FREM3: variants seen among roughly 807,000 people sequenced by gnomAD.
FREM3 encodes the protein FRAS1 related extracellular matrix 3, also known as FRAS1-related extracellular matrix protein 3.
A neutral mutation model predicts 129.1 loss-of-function variants in FREM3; 105 were observed. The ratio of observed to expected loss-of-function variants is 0.81; its 90% CI spans 0.69 to 0.96. The LOEUF is 0.96. Ranked by LOEUF, FREM3 falls within the 40% of genes least tolerant of loss-of-function variation. The pLI is 0.00. For synonymous variants in FREM3, 1,014 were observed against 1,044.9 expected, an observed-to-expected ratio of 0.97 and a Z score of 0.57; for missense variants, 2,593 against 2,666.3, an observed-to-expected ratio of 0.97 and a Z score of 0.61.
intron 2 of FREM3, among the ~76,000 whole-genome samples, chr4:143,647,512 T>G (rs185508229): frequency 4.1e-4 from 62 of 152,280 alleles, no homozygotes; most frequent in African/African-American, 1.5e-3. Context: ...TTTTGTGGGA[T>G]GGGCCCAGGG....
chr4:143,696,165 T>A lies in FREM3; in HGVS notation c.4511A>T (p.Asp1504Val). ...TTCGAAGCTGTCCATCTTTTTCTCA[T>A]CATTTGAAGTATGGACATAGGATAT... Reference protein sequence around the residue: ...NKISYVHTSNDEKKMDSFEFQ... With the variant: ...NKISYVHTSNVEKKMDSFEFQ... Residue 1504 changes from aspartate to valine, a missense_variant, in exon 1 of 8, where the codon GAT becomes GTT. By Grantham distance (152) the Asp-to-Val change is radical (BLOSUM62 -3). Coordinates refer to ENST00000329798, the MANE Select transcript of FREM3 (RefSeq NM_001168235.2). 6.5e-7 allele frequency: 1 copy of A among 1,537,716 alleles called. No individual in the cohort carries two copies.
chr4:143,646,038 T>TGAGA (rs1243222306), intron 2 of FREM3, among the ~76,000 whole-genome samples: 1 of 152,208 alleles, frequency 6.6e-6, no homozygotes, highest in Non-Finnish European at 1.5e-5. Context: ...CCTTCCCCAG[T>TGAGA]GAGAGAGATG....
chr4:143,589,174 C>T (rs918250532), intron 6 of FREM3, among the ~76,000 whole-genome samples: 6 of 151,874 alleles, frequency 4.0e-5, no homozygotes, highest in Admixed American at 2.6e-4. Flanking sequence ...CAAAAATTTT[C>T]GCCCATTCTG....
chr4:143,692,987 A>G (rs1319632809), intron 2 of FREM3, 126 bp downstream of exon 2: 5 of 456,868 alleles, frequency 1.1e-5, no homozygotes, highest in Non-Finnish European at 1.9e-5. Context: ...GTATTATGAC[A>G]TTATTTATTG....
intron 2 of FREM3, among the ~76,000 whole-genome samples, chr4:143,645,686 T>C (rs1560856025): frequency 1.3e-5 from 2 of 152,246 alleles, no homozygotes; most frequent in Non-Finnish European, 2.9e-5. Context: ...ACAGATTTTG[T>C]ATCTGCTAGC....
intron 2 of FREM3, among the ~76,000 whole-genome samples, chr4:143,650,992 G>A (rs968187627): frequency 6.6e-6 from 1 of 152,150 alleles, no homozygotes; most frequent in African/African-American, 2.4e-5. Context: ...CAAACTCAGT[G>A]CTCATTTATT....
rs1433182787 is a variant in FREM3 at position 143,660,515 on chromosome 4, C to T, written c.5275+32598G>A. Among the ~76,000 whole-genome samples, 7 of 152,122 alleles carry T rather than the reference C, an allele frequency of 4.6e-5. 1 individual carries two copies. Among genetic ancestry groups the T allele is most frequent in the African/African-American group, 9.7e-5 (4 of 41,418 alleles). The stretch of plus-strand genomic sequence containing the variant: ...TGTAGTATAGTTTGAAGTCGAGTAG[C>T]GTGATGCCTCCAGCTTTGTTCTTTT... On this transcript the variant is annotated intron_variant, in intron 2 of 7. Coordinates refer to ENST00000329798, the MANE Select transcript of FREM3 (RefSeq NM_001168235.2).
chr4:143,676,002 A>G (rs2149857393), intron 2 of FREM3, among the ~76,000 whole-genome samples: 1 of 152,342 alleles, frequency 6.6e-6, no homozygotes, highest in African/African-American at 2.4e-5. Context: ...AACTATTCCA[A>G]TCAATAGAAA....
At position 143,700,614 on chromosome 4, in the gene FREM3, C is replaced by T. The variant is rs988612301; in HGVS notation, c.62G>A (p.Cys21Tyr). ...TPRQLLVALACLLLSRPALQG... is the reference protein window; with the variant it reads ...TPRQLLVALAYLLLSRPALQG... ...CAGCGCGGGGCGACTCAAGAGCAGG[C>T]AGGCGAGCGCCACAAGGAGCTGCCG... The change falls in exon 1 of 8, where the codon TGC (cysteine) becomes TAC (tyrosine). Residue 21 changes from cysteine (C) to tyrosine (Y), a missense_variant. By Grantham distance (194) the Cys-to-Tyr change is radical (BLOSUM62 -2). This residue lies in a region of FREM3 where 2,276 missense variants were observed against 2,267.2 expected (regional missense o/e 1.00). Transcript: ENST00000329798. 16 of 1,454,164 alleles carry T rather than the reference C, an allele frequency of 1.1e-5. No homozygotes were observed. The highest frequency in any genetic ancestry group is 4.2e-5 in the South Asian group (3 of 71,492). The allele number at this position is 1,454,164 out of a possible 1,614,324, so 90.1% of individuals were successfully genotyped here. A position where few individuals can be genotyped will look rare whatever the true frequency, so the allele number is the denominator to read the frequency against.
rs76649476 is a variant in FREM3 at position 143,692,752 on chromosome 4, T to A, written c.5275+361A>T. 6.7e-3 allele frequency among the ~76,000 whole-genome samples: 1,027 copies of A among 152,278 alleles called. 17 individuals are homozygous for A. The highest frequency in any genetic ancestry group is 0.024 in the African/African-American group (988 of 41,560). On this transcript the variant is annotated intron_variant, in intron 2 of 7. Transcript: ENST00000329798. ...AAAATCCCAACAAAATCTGAAGATGTATTTTCTAATTTGTTTCAGAATGAT... is the reference window on the plus strand; with the variant it reads ...AAAATCCCAACAAAATCTGAAGATGAATTTTCTAATTTGTTTCAGAATGAT...
Position 143,697,948 on chromosome 4 carries a change from T to C in FREM3, c.2728A>G (p.Thr910Ala), listed in dbSNP as rs1306395176. Residue 910 changes from threonine to alanine, a missense_variant, in exon 1 of 8, where the codon ACT becomes GCT. This residue lies in a region of FREM3 where 2,276 missense variants were observed against 2,267.2 expected (regional missense o/e 1.00). Transcript: ENST00000329798. Reference protein sequence around the residue: ...VSYQHGRDQTTTSDTFHLEVS... With the variant: ...VSYQHGRDQTATSDTFHLEVS... Reference sequence around the variant, plus strand: ...TCCAGATGGAAAGTGTCACTGGTAGTCGTCTGGTCTCTGCCATGCTGGTAA... The same window carrying C: ...TCCAGATGGAAAGTGTCACTGGTAGCCGTCTGGTCTCTGCCATGCTGGTAA... 3.3e-6 allele frequency: 5 copies of C among 1,537,704 alleles called. No individual in the cohort carries two copies. Among genetic ancestry groups the C allele is most frequent in the Non-Finnish European group, 4.4e-6 (5 of 1,147,046 alleles).
intron 2 of FREM3, among the ~76,000 whole-genome samples, chr4:143,637,448 C>T (rs1286471207): frequency 6.6e-6 from 1 of 152,070 alleles, no homozygotes; most frequent in Non-Finnish European, 1.5e-5. Flanking sequence ...TTGAAATTTG[C>T]CATATTCCCT....
intron 2 of FREM3, among the ~76,000 whole-genome samples, chr4:143,630,966 T>C (rs1271131651): frequency 6.6e-6 from 1 of 152,108 alleles, no homozygotes; most frequent in Non-Finnish European, 1.5e-5. Flanking sequence ...ATGCAGTAAG[T>C]ACATGTATTG....
intron 2 of FREM3, among the ~76,000 whole-genome samples, chr4:143,671,114 C>A (rs1347771512): frequency 6.6e-6 from 1 of 152,080 alleles, no homozygotes; most frequent in Non-Finnish European, 1.5e-5. Context: ...AAATATTCAG[C>A]CTCTACAAAT....
intron 6 of FREM3, among the ~76,000 whole-genome samples, chr4:143,589,347 T>G (rs1390059766): frequency 6.6e-6 from 1 of 152,208 alleles, no homozygotes; most frequent in Non-Finnish European, 1.5e-5. Context: ...TTGCCTAGGT[T>G]TTTTTCTAGG....
intron 2 of FREM3, among the ~76,000 whole-genome samples, chr4:143,686,607 T>C (rs1483596425): frequency 6.6e-6 from 1 of 152,006 alleles, no homozygotes; most frequent in Non-Finnish European, 1.5e-5. Flanking sequence ...TTTAAGGAAA[T>C]TGAAATTATA....
chr4:143,676,948 G>A (rs1172459304), intron 2 of FREM3, among the ~76,000 whole-genome samples: 7 of 152,238 alleles, frequency 4.6e-5, no homozygotes, highest in East Asian at 1.9e-4. Context: ...AATTAATATC[G>A]TGAAAATGGC....
Position 143,697,801 on chromosome 4 carries a change from C to T in FREM3, c.2875G>A (p.Val959Ile), listed in dbSNP as rs1489469171. ...ATTTCAGTGGCTTTATTCTCTAGTA[C>T]GTCTATAGAAACATCCAATAATGAA... ...SSSLLDVSID[V>I]LENKATEITM... Residue 959 changes from valine to isoleucine, a missense_variant, in exon 1 of 8, where the codon GTA (valine) becomes ATA (isoleucine). Transcript: ENST00000329798. The T allele has an allele frequency of 7.2e-6, 11 of 1,537,368 alleles. No homozygotes were observed. The highest frequency in any genetic ancestry group is 4.8e-5 in the South Asian group (4 of 84,064).
intron 2 of FREM3, among the ~76,000 whole-genome samples, chr4:143,659,827 G>A (rs1290328312): frequency 6.6e-6 from 1 of 151,246 alleles, no homozygotes; most frequent in Non-Finnish European, 1.5e-5. Flanking sequence ...TTTCTCTGAT[G>A]GCCAGTGATG....
Sources: gnomAD v4.1 joint callset for allele counts (sites outside exome capture counted in the v4.1 genomes callset) on GRCh38, gnomAD v4.1.1 for gene constraint, gnomAD v4.1.1 regional missense constraint, MANE v1.5 for transcripts, NCBI Gene and HGNC (gene_info 2026-07-23, HGNC 2026-07-21) for gene names.